TRIP12: variants seen among roughly 807,000 people sequenced by gnomAD.
TRIP12 encodes thyroid hormone receptor interactor 12, also known as E3 ubiquitin-protein ligase TRIP12.
A neutral mutation model predicts 244.2 loss-of-function variants in TRIP12; 25 were observed. That is an observed-to-expected ratio of 0.10 (90% CI 0.07 to 0.14). TRIP12 has a LOEUF of 0.14. TRIP12 is among the 10% of genes least tolerant of loss of function. TRIP12 has a pLI of 1.00. For missense variants in TRIP12, 1,677 were observed against 2,486.4 expected (o/e 0.67, Z 6.92); for synonymous variants, 905 against 873.1 (o/e 1.04, Z -0.64).
chr2:229,781,516 G>A (rs1482738511), intron 34 of TRIP12, among the ~76,000 whole-genome samples: 1 of 152,222 alleles, frequency 6.6e-6, no homozygotes, highest in Non-Finnish European at 1.5e-5. Context: ...CACATAGCCA[G>A]TAAGTGGGCA....
chr2:229,823,030 T>G (rs573512109), intron 8 of TRIP12, among the ~76,000 whole-genome samples: 1 of 152,256 alleles, frequency 6.6e-6, no homozygotes, highest in African/African-American at 2.4e-5. Context: ...GAAAAAATTC[T>G]GAAAACAAAA....
At chr2:229,799,071 A>G in intron 22 of TRIP12, 22 bp from the exon 23 acceptor site, 1 of 1,612,130 alleles carries the variant, frequency 6.2e-7, no homozygotes, top group Non-Finnish European at 8.5e-7. Context: ...AAAAAGAACT[A>G]CAGTTAAGTC....
intron 21 of TRIP12, among the ~76,000 whole-genome samples, chr2:229,802,018 T>C (rs1430535027): frequency 1.3e-5 from 2 of 152,204 alleles, no homozygotes; most frequent in Non-Finnish European, 2.9e-5. Context: ...CTCTGAACTT[T>C]AGTTTCCTTG....
Position 229,862,797 on chromosome 2 carries a change from C to T in TRIP12, c.99-2266G>A, listed in dbSNP as rs116599451. Among the ~76,000 whole-genome samples the T allele has an allele frequency of 6.0e-3, 916 of 152,280 alleles. 7 individuals are homozygous for T. Among genetic ancestry groups the T allele is most frequent in the African/African-American group, 0.021 (861 of 41,554 alleles). On this transcript the variant is annotated intron_variant, in intron 2 of 41. Transcript: ENST00000675903. ...TATGTTAGATCCACCTAATTCTACT[C>T]CTGTGTTATTTCTCATGCCCTTACT...
chr2:229,864,047 A>AGAGAGAGAGAGAGAGAGTGT, intron 2 of TRIP12, among the ~76,000 whole-genome samples: 38 of 79,306 alleles, frequency 4.8e-4, no homozygotes, highest in Admixed American at 1.0e-3. Context: ...AGAGAGAGAG[A>AGAGAGAGAGAGAGAGAGTGT]GTGTGTGTGT....
intron 2 of TRIP12, among the ~76,000 whole-genome samples, chr2:229,876,617 C>T (rs1324229841): frequency 1.3e-5 from 2 of 152,174 alleles, no homozygotes; most frequent in Non-Finnish European, 2.9e-5. Flanking sequence ...ACATCTTAAT[C>T]GCTAGTATTA....
chr2:229,768,303 C>G (rs1324207340), intron 41 of TRIP12, among the ~76,000 whole-genome samples: 2 of 152,186 alleles, frequency 1.3e-5, no homozygotes, highest in African/African-American at 4.8e-5. Flanking sequence ...ATTTAACTTA[C>G]ATTAGGATTC....
At chr2:229,898,634 G>A (rs1045920646) in intron 1 of TRIP12, among the ~76,000 whole-genome samples, 1 of 152,120 alleles carries the variant, frequency 6.6e-6, no homozygotes, top group African/African-American at 2.4e-5. Context: ...AACTTTTTAA[G>A]TGATAATACA....
chr2:229,840,674 C>T (rs1376904204), intron 5 of TRIP12, 148 bp downstream of exon 5: 4 of 593,958 alleles, frequency 6.7e-6, no homozygotes, highest in Non-Finnish European at 1.1e-5. Context: ...TGCACTCCAG[C>T]CTGGGTGACA....
chr2:229,867,110 T>G (rs202147425), intron 2 of TRIP12, among the ~76,000 whole-genome samples: 30 of 139,644 alleles, frequency 2.1e-4, no homozygotes, highest in South Asian at 1.1e-3. Flanking sequence ...TTTTTTTTTG[T>G]TTTTTTTTTT....
At chr2:229,894,458 T>C (rs913848132) in intron 1 of TRIP12, 1 of 151,998 alleles carries the variant, frequency 6.6e-6, no homozygotes, top group African/African-American at 2.4e-5. Flanking sequence ...CTTTATCAAC[T>C]CTCAACTCAT....
chr2:229,901,620 G>GGAA (rs564086738), intron 1 of TRIP12, among the ~76,000 whole-genome samples: 1 of 143,530 alleles, frequency 7.0e-6, no homozygotes, highest in African/African-American at 2.6e-5. Flanking sequence ...GAGACTGTCT[G>GGAA]AAAAAAAAAA....
chr2:229,834,566 C>T (rs889839614), intron 6 of TRIP12, among the ~76,000 whole-genome samples: 2 of 152,176 alleles, frequency 1.3e-5, no homozygotes, highest in Non-Finnish European at 2.9e-5. Flanking sequence ...TGGACAGCAG[C>T]CCGGCCAACA....
At chr2:229,768,815 G>A (rs188315305) in intron 40 of TRIP12, 96 bp from the exon 41 acceptor site, 3 of 1,165,734 alleles carry the variant, frequency 2.6e-6, no homozygotes, top group Admixed American at 3.0e-5. Flanking sequence ...AATTAGATTA[G>A]CACTTTTAAA....
At chr2:229,823,303 G>A (rs2050576339) in intron 8 of TRIP12, among the ~76,000 whole-genome samples, 1 of 152,156 alleles carries the variant, frequency 6.6e-6, no homozygotes, top group Non-Finnish European at 1.5e-5. Context: ...TAAAAAATAA[G>A]TGGTTTTTAC....
chr2:229,808,187 C>T (rs996578104), intron 16 of TRIP12, 65 bp downstream of exon 16: 27 of 1,203,076 alleles, frequency 2.2e-5, no homozygotes, highest in South Asian at 3.7e-5. Context: ...AGGCTGGTCT[C>T]GAACTCCTGA....
At position 229,796,829 on chromosome 2, in the gene TRIP12, T is replaced by TA. The variant is rs754859558; in HGVS notation, c.3625-48dup. 1.7e-5 allele frequency: 25 copies of TA among 1,476,842 alleles called. No homozygotes were observed. In the East Asian group the frequency reaches 5.1e-4, roughly 30 times the overall value. 91.5% of individuals were successfully genotyped at this position (1,476,842 alleles called of 1,614,324 possible). ...TTTCTATATTGATTTAAGCAGCACT[T>TA]AAAAAATACACAACTCACATATCCT... On this transcript the variant is annotated intron_variant, in intron 24 of 41. Transcript: ENST00000675903.
chr2:229,857,445 A>G (rs1286479603), intron 4 of TRIP12, among the ~76,000 whole-genome samples: 2 of 152,086 alleles, frequency 1.3e-5, no homozygotes, highest in African/African-American at 2.4e-5. Flanking sequence ...CCTGACCAAC[A>G]TGGTGAAACT....
rs773830816 is a variant in TRIP12 at position 229,774,086 on chromosome 2, C to T, written c.5694+11G>A. The T allele has an allele frequency of 3.7e-6, 6 of 1,608,690 alleles. No individual in the cohort carries two copies. Among genetic ancestry groups the T allele is most frequent in the Non-Finnish European group, 4.2e-6 (5 of 1,177,648 alleles). The stretch of plus-strand genomic sequence containing the variant: ...ACAACTGGCCTACCCCCCAAAGACA[C>T]AGTTACATACTCTTAGATACTCCTC... On this transcript the variant is annotated intron_variant, in intron 38 of 41. Coordinates refer to ENST00000675903, the MANE Select transcript of TRIP12 (RefSeq NM_001348323.3).
Sources: allele counts gnomAD v4.1 joint callset (sites outside exome capture counted in the v4.1 genomes callset), GRCh38; gene constraint gnomAD v4.1.1; transcripts MANE v1.5; gene names NCBI Gene and HGNC (gene_info 2026-07-23, HGNC 2026-07-21).